SKI: variants seen among roughly 807,000 people sequenced by gnomAD.
SKI encodes SKI proto-oncogene.
A neutral mutation model predicts 59.3 loss-of-function variants in SKI; 23 were observed. The ratio of observed to expected loss-of-function variants is 0.39; its 90% CI spans 0.28 to 0.55. The LOEUF (loss-of-function observed/expected upper bound fraction) is 0.55, where lower values mean the gene tolerates loss of function less well. Among genes scored for constraint, SKI ranks in the 20% least tolerant of loss-of-function variants. SKI has a pLI of 0.67. For synonymous variants in SKI, 673 were observed against 488.6 expected, an observed-to-expected ratio of 1.38 and a Z score of -4.98; for missense variants, 1,017 against 1,038.9, an observed-to-expected ratio of 0.98 and a Z score of 0.29.
At chr1:2,305,201 T>C (rs972155253) in intron 5 of SKI, among the ~76,000 whole-genome samples, 1 of 152,196 alleles carries the variant, frequency 6.6e-6, no homozygotes, top group African/African-American at 2.4e-5. Flanking sequence ...ACGCTGCAGC[T>C]CCGGTCTCGC....
chr1:2,306,116 G>C lies in SKI; in HGVS notation c.1864G>C (p.Glu622Gln). 5 of 1,598,700 alleles carry C rather than the reference G, an allele frequency of 3.1e-6. No homozygotes were observed. Among genetic ancestry groups the C allele is most frequent in the Non-Finnish European group, 4.3e-6 (5 of 1,174,056 alleles). Residue 622 changes from glutamate (E) to glutamine (Q), a missense_variant, in exon 6 of 7, where the codon GAG becomes CAG. Glu to Gln is a conservative substitution (Grantham distance 29). Coordinates refer to ENST00000378536, the MANE Select transcript of SKI (RefSeq NM_003036.4). ...LRKEIERLRA[E>Q]NEKKMKEANE... ...GAAGGAGATCGAGCGTCTCCGCGCC[G>C]AGAACGAGAAGAAGATGAAAGAGGC... is the stretch of plus-strand genomic sequence containing the variant.
intron 1 of SKI, among the ~76,000 whole-genome samples, chr1:2,257,075 C>T (rs1031852018): frequency 6.6e-6 from 1 of 152,212 alleles, no homozygotes; most frequent in Non-Finnish European, 1.5e-5. Flanking sequence ...TGAGCACTTT[C>T]TTTGTTGGCT....
chr1:2,269,076 C>T lies in SKI; in HGVS notation c.970-33902C>T, dbSNP rs773515268. On this transcript the variant is annotated intron_variant, in intron 1 of 6. Coordinates refer to ENST00000378536, the MANE Select transcript of SKI (RefSeq NM_003036.4). This position sits in a 1 kb window ranked among gnomAD's most constrained non-coding sequence, Gnocchi z 4.7. ...CTCCCACCTCAGCCTCATGAGTAGC[C>T]GAGACTACAGGCACACACCACTACA... Among the ~76,000 whole-genome samples the T allele has an allele frequency of 2.0e-5, 3 of 152,058 alleles. No individual in the cohort carries two copies. Among genetic ancestry groups the T allele is most frequent in the East Asian group, 1.9e-4 (1 of 5,184 alleles).
At chr1:2,237,404 C>T (rs1638773709) in intron 1 of SKI, among the ~76,000 whole-genome samples, 1 of 152,218 alleles carries the variant, frequency 6.6e-6, no homozygotes, top group Non-Finnish European at 1.5e-5. Context: ...TGTCAGTCTT[C>T]TTCTACAGGG....
chr1:2,231,728 G>T (rs2100794396), intron 1 of SKI, among the ~76,000 whole-genome samples: 1 of 152,342 alleles, frequency 6.6e-6, no homozygotes, highest in Middle Eastern at 3.4e-3. Context: ...ACACAGCCTG[G>T]CCCTGGCAGT....
intron 1 of SKI, among the ~76,000 whole-genome samples, chr1:2,283,698 G>A (rs1639966524): frequency 6.6e-6 from 1 of 152,222 alleles, no homozygotes; most frequent in Non-Finnish European, 1.5e-5. Context: ...CATGTGGGGT[G>A]CTGGGGTGCA....
chr1:2,272,672 GGTGTCCTTAAT>G, intron 1 of SKI, among the ~76,000 whole-genome samples: 1 of 152,350 alleles, frequency 6.6e-6, no homozygotes, highest in Non-Finnish European at 1.5e-5. Flanking sequence ...TATTTTAAAT[GGTGTCCTTAAT>G]GTAGAATGTT....
In SKI at chr1:2,306,111, G is replaced by A. The variant is rs1170274461; in HGVS notation, c.1859G>A (p.Arg620His). ...CTGCGGAAGGAGATCGAGCGTCTCC[G>A]CGCCGAGAACGAGAAGAAGATGAAA... is the stretch of plus-strand genomic sequence containing the variant. ...RNLRKEIERL[R>H]AENEKKMKEA... is the part of the protein sequence containing the mutation. Residue 620 changes from arginine to histidine, a missense_variant, in exon 6 of 7, where the codon CGC (arginine) becomes CAC (histidine). Transcript: ENST00000378536. The A allele has an allele frequency of 6.3e-7, 1 of 1,599,488 alleles. No homozygotes were observed.
Position 2,306,196 on chromosome 1 carries a change from G to T in SKI, c.1944G>T (p.Arg648=). Residue 648 remains arginine, a synonymous_variant, in exon 6 of 7, where the codon CGG becomes CGT. Coordinates refer to ENST00000378536, the MANE Select transcript of SKI (RefSeq NM_003036.4). ...AGCTGGAGCAGGCGCGGCAGGCCCG[G>T]GTGTGCGACAAGGGCTGCGAGGCGG... ...KRELEQARQA[R]VCDKGCEAGR... 1 of 1,583,512 alleles carries T rather than the reference G, an allele frequency of 6.3e-7. No individual in the cohort carries two copies. The highest frequency in any genetic ancestry group is 8.6e-7 in the Non-Finnish European group (1 of 1,165,802).
At position 2,303,147 on chromosome 1, in the gene SKI, G is replaced by A. The variant is rs1640469916; in HGVS notation, c.1095+44G>A. The A allele has an allele frequency of 1.2e-6, 2 of 1,611,710 alleles. No individual in the cohort carries two copies. Among genetic ancestry groups the A allele is most frequent in the African/African-American group, 1.3e-5 (1 of 74,916 alleles). On this transcript the variant is annotated intron_variant, in intron 2 of 6. Coordinates refer to ENST00000378536, the MANE Select transcript of SKI (RefSeq NM_003036.4). The surrounding 1 kb of genome is among the most constrained non-coding windows in gnomAD (Gnocchi z 5.6). ...GGGTCCTTGGGGTGGTGGGTACTGG[G>A]CCCTTCTCCTTGGGCAGACCCAGCG...
rs1260880092 is a variant in SKI at position 2,306,805 on chromosome 1, T to G, written c.*40T>G. The G allele has an allele frequency of 1.4e-6, 2 of 1,408,748 alleles. No individual in the cohort carries two copies. The highest frequency in any genetic ancestry group is 1.8e-6 in the Non-Finnish European group (2 of 1,081,566). The allele number at this position is 1,408,748 out of a possible 1,614,324, so 87.3% of individuals were successfully genotyped here. A position where few individuals can be genotyped will look rare whatever the true frequency, so the allele number is the denominator to read the frequency against. On this transcript the variant is annotated 3_prime_UTR_variant, in exon 7 of 7. Coordinates refer to ENST00000378536, the MANE Select transcript of SKI (RefSeq NM_003036.4). ...GCCGCAGCGCCGCCGACAACGCGGG[T>G]GCAGGGGGGCGCGGCTGGGCGGTGC...
At chr1:2,234,814 T>G (rs1638717932) in intron 1 of SKI, among the ~76,000 whole-genome samples, 1 of 152,228 alleles carries the variant, frequency 6.6e-6, no homozygotes. Flanking sequence ...ATACAGAAGG[T>G]GAATTATTTC....
intron 1 of SKI, among the ~76,000 whole-genome samples, chr1:2,292,173 G>A (rs947629488): frequency 2.6e-5 from 4 of 152,206 alleles, no homozygotes; most frequent in Admixed American, 6.6e-5. Context: ...GCCTCAGCGC[G>A]AGCTTCTGCC....
In SKI at chr1:2,304,340, A is replaced by G. The variant is rs1396641469; in HGVS notation, c.1522A>G (p.Ser508Gly). ...CTCTTCCCCGTCCTTTACCTCATCC[A>G]GCTCCGCCAAGGACCTGGGCTCCCC... ...SLSSPSFTSS[S>G]SAKDLGSPGA... Residue 508 changes from serine to glycine, a missense_variant, in exon 5 of 7, where the codon AGC (serine) becomes GGC (glycine). Ser to Gly is a moderately conservative substitution (Grantham distance 56, BLOSUM62 0). Coordinates refer to ENST00000378536, the MANE Select transcript of SKI (RefSeq NM_003036.4). 1 of 1,551,358 alleles carries G rather than the reference A, an allele frequency of 6.4e-7. No individual in the cohort carries two copies. Among genetic ancestry groups the G allele is most frequent in the Non-Finnish European group, 8.7e-7 (1 of 1,146,918 alleles).
chr1:2,273,230 C>T (rs901178455), intron 1 of SKI, among the ~76,000 whole-genome samples: 5 of 152,360 alleles, frequency 3.3e-5, no homozygotes, highest in African/African-American at 1.2e-4. Flanking sequence ...CCTCCTCCTT[C>T]CCACTGGCGC....
intron 6 of SKI, 89 bp from the exon 7 acceptor site, chr1:2,306,488 A>G (rs1640584331): frequency 7.4e-7 from 1 of 1,342,616 alleles, no homozygotes; most frequent in African/African-American, 1.5e-5. Flanking sequence ...AGGGACAGGG[A>G]GCGGCGCAGG....
rs1417738788 is a variant in SKI at position 2,303,982 on chromosome 1, C to T, written c.1354C>T (p.Pro452Ser). The change falls in exon 4 of 7, where the codon CCT becomes TCT. Residue 452 changes from proline (P) to serine (S), a missense_variant. By Grantham distance (74) the Pro-to-Ser change is moderately conservative. Coordinates refer to ENST00000378536, the MANE Select transcript of SKI (RefSeq NM_003036.4). This position sits in a 1 kb window ranked among gnomAD's most constrained non-coding sequence, Gnocchi z 5.6. Reference protein sequence around the residue: ...APEPLATCTQPRKRKLTVDTP... With the variant: ...APEPLATCTQSRKRKLTVDTP... ...CGAGCCTCTCGCCACTTGCACCCAG[C>T]CTCGGAAGCGGAAGCTGACTGTGGA... 1 of 1,612,398 alleles carries T rather than the reference C, an allele frequency of 6.2e-7. No individual in the cohort carries two copies. The highest frequency in any genetic ancestry group is 1.7e-5 in the Admixed American group (1 of 59,976).
chr1:2,228,975 C>T lies in SKI; in HGVS notation c.209C>T (p.Pro70Leu), dbSNP rs994969301. The change falls in exon 1 of 7, where the codon CCG (proline) becomes CTG (leucine). Residue 70 changes from proline to leucine, a missense_variant. Coordinates refer to ENST00000378536, the MANE Select transcript of SKI (RefSeq NM_003036.4). ...GCGCCGGTGCCCGCAGCCACCGAGCCGCCGCCCGTGCTGCACCTGCCCGCC... is the reference window on the plus strand; with the variant it reads ...GCGCCGGTGCCCGCAGCCACCGAGCTGCCGCCCGTGCTGCACCTGCCCGCC... ...VPAPVPAATE[P>L]PPVLHLPAIQ... 3.4e-6 allele frequency: 5 copies of T among 1,456,984 alleles called. No individual in the cohort carries two copies. In the African/African-American group the frequency reaches 5.9e-5, roughly 17 times the overall value. 90.3% of individuals were successfully genotyped at this position (1,456,984 alleles called of 1,614,324 possible). A position where few individuals can be genotyped will look rare whatever the true frequency, so the allele number is the denominator to read the frequency against.
chr1:2,247,218 TAAAAAAA>T (rs910439311), intron 1 of SKI, among the ~76,000 whole-genome samples: 3 of 151,794 alleles, frequency 2.0e-5, no homozygotes, highest in Non-Finnish European at 4.4e-5. Flanking sequence ...GACTCCATCT[TAAAAAAA>T]CAAAAAACAA....
Sources: gnomAD v4.1 joint callset for allele counts (sites outside exome capture counted in the v4.1 genomes callset) on GRCh38, gnomAD v4.1.1 for gene constraint, Gnocchi (gnomAD v3.1) non-coding constraint, MANE v1.5 for transcripts, NCBI Gene and HGNC (gene_info 2026-07-23, HGNC 2026-07-21) for gene names.